The following RANBP2 variants were observed in gnomAD, a reference collection of about 807,000 sequenced individuals.
The protein encoded by RANBP2 is E3 SUMO-protein ligase RanBP2.
A neutral mutation model predicts 303.6 loss-of-function variants in RANBP2; 57 were observed. The ratio of observed to expected loss-of-function variants is 0.19; its 90% CI spans 0.15 to 0.23. The LOEUF (loss-of-function observed/expected upper bound fraction) is 0.23, where lower values mean the gene tolerates loss of function less well. Ranked by LOEUF, RANBP2 falls within the 10% of genes least tolerant of loss-of-function variation. RANBP2 has a pLI of 1.00. For missense variants in RANBP2, 3,138 were observed against 3,780.8 expected, an observed-to-expected ratio of 0.83 and a Z score of 4.46; for synonymous variants, 1,167 against 1,301.5, an observed-to-expected ratio of 0.90 and a Z score of 2.23.
the RANBP2 span, among the ~76,000 whole-genome samples, chr2:109,470,568 C>T: frequency 1.3e-5 from 2 of 152,222 alleles, no homozygotes; most frequent in Admixed American, 1.3e-4. Context: ...CAGTACTCTA[C>T]GTGCAGAGCT....
At chr2:108,997,440 C>CAAGA in the RANBP2 span, among the ~76,000 whole-genome samples, 2 of 49,954 alleles carry the variant, frequency 4.0e-5, no homozygotes, top group Middle Eastern at 0.026. Flanking sequence ...GACTCTGTCT[C>CAAGA]AAAAAAAAAA....
chr2:109,454,033 C>G, the RANBP2 span, among the ~76,000 whole-genome samples: 1 of 152,206 alleles, frequency 6.6e-6, no homozygotes, highest in Non-Finnish European at 1.5e-5. Flanking sequence ...AACTTAACTA[C>G]TTAAATATCC....
At chr2:109,486,682 CAG>C in the RANBP2 span, among the ~76,000 whole-genome samples, 1 of 152,068 alleles carries the variant, frequency 6.6e-6, no homozygotes, top group Non-Finnish European at 1.5e-5. Context: ...ACCACACCTG[CAG>C]AGTTTGCACC....
the RANBP2 span, among the ~76,000 whole-genome samples, chr2:109,248,140 T>C: frequency 0.056 from 8,576 of 152,308 alleles, 420 homozygotes; most frequent in East Asian, 0.2. Flanking sequence ...CTTTTGATTG[T>C]TGATCTTTTA....
the RANBP2 span, among the ~76,000 whole-genome samples, chr2:109,273,004 A>G: frequency 1.3e-5 from 2 of 152,218 alleles, no homozygotes; most frequent in South Asian, 4.1e-4. Context: ...GGGAAAGAAA[A>G]TGGTTACCTT....
chr2:109,312,528 C>T, the RANBP2 span, among the ~76,000 whole-genome samples: 3 of 152,134 alleles, frequency 2.0e-5, no homozygotes, highest in Non-Finnish European at 2.9e-5. Flanking sequence ...GCAGCCACCC[C>T]GCTGGGCCCC....
At chr2:109,777,375 TTAA>T in the RANBP2 span, among the ~76,000 whole-genome samples, 4 of 145,996 alleles carry the variant, frequency 2.7e-5, no homozygotes, top group Non-Finnish European at 6.0e-5. Context: ...TTTATATACT[TTAA>T]TACATTGACT....
chr2:108,792,976 A>G, the RANBP2 span, among the ~76,000 whole-genome samples: 1 of 151,606 alleles, frequency 6.6e-6, no homozygotes, highest in Non-Finnish European at 1.5e-5. Context: ...AGGCAGGAGA[A>G]TCACTTGAAC....
At chr2:108,818,204 G>T in the RANBP2 span, among the ~76,000 whole-genome samples, 1 of 152,124 alleles carries the variant, frequency 6.6e-6, no homozygotes, top group Non-Finnish European at 1.5e-5. Context: ...TCCCTGGGAG[G>T]CTGAGGTGGT....
chr2:109,631,781 C>T, the RANBP2 span, among the ~76,000 whole-genome samples: 1 of 151,360 alleles, frequency 6.6e-6, no homozygotes, highest in African/African-American at 2.4e-5. Context: ...AGAAAGAAAT[C>T]TCATTATCTC....
the RANBP2 span, among the ~76,000 whole-genome samples, chr2:109,643,344 G>A: frequency 6.6e-6 from 1 of 152,156 alleles, no homozygotes. Flanking sequence ...AGTAAAATGA[G>A]GCTGAAACCT....
the RANBP2 span, among the ~76,000 whole-genome samples, chr2:109,471,357 T>G: frequency 6.6e-6 from 1 of 152,118 alleles, no homozygotes; most frequent in Admixed American, 6.5e-5. Flanking sequence ...AAGCACCTTC[T>G]TCACAAGGCG....
the RANBP2 span, among the ~76,000 whole-genome samples, chr2:109,275,354 A>G: frequency 2.6e-4 from 39 of 152,188 alleles, 1 homozygote; most frequent in Admixed American, 3.9e-4. Flanking sequence ...GATAACGTTG[A>G]TAAGTTGCTC....
At chr2:109,299,213 C>T in the RANBP2 span, among the ~76,000 whole-genome samples, 1 of 152,242 alleles carries the variant, frequency 6.6e-6, no homozygotes, top group African/African-American at 2.4e-5. Flanking sequence ...GACCCTGCCT[C>T]CCCAAGGACT....
rs189289937 is a variant in RANBP2 at position 108,768,002 on chromosome 2, T to C, written c.7463T>C (p.Val2488Ala). Residue 2488 changes from valine (V) to alanine (A), a missense_variant, in exon 20 of 29, where the codon GTA becomes GCA. Around this residue, in one of 20 missense-constraint regions of RANBP2, gnomAD observed 497 missense variants for 465.8 expected, o/e 1.07. Transcript: ENST00000283195. ...ACAGATGTTATTCAGGGTGATGATGTAGCAGATGCAACTTCAGAAGTTGAA... is the reference window on the plus strand; with the variant it reads ...ACAGATGTTATTCAGGGTGATGATGCAGCAGATGCAACTTCAGAAGTTGAA... ...ERTDVIQGDD[V>A]ADATSEVEVS... 377 of 1,611,892 alleles carry C rather than the reference T, an allele frequency of 2.3e-4. 1 individual carries two copies. The highest frequency in any genetic ancestry group is 2.2e-4 in the Non-Finnish European group (259 of 1,179,822).
At chr2:109,346,781 G>A in the RANBP2 span, among the ~76,000 whole-genome samples, 1 of 152,292 alleles carries the variant, frequency 6.6e-6, no homozygotes, top group South Asian at 2.1e-4. Flanking sequence ...ACCGAGGATG[G>A]CAGAACAGGT....
chr2:109,614,391 C>T, the RANBP2 span: 17 of 953,562 alleles, frequency 1.8e-5, no homozygotes, highest in Non-Finnish European at 2.3e-5. Flanking sequence ...GCCCGCTGAG[C>T]CCGCCAGACT....
At chr2:109,763,178 C>G in the RANBP2 span, among the ~76,000 whole-genome samples, 1 of 150,024 alleles carries the variant, frequency 6.7e-6, no homozygotes, top group African/African-American at 2.4e-5. Flanking sequence ...TGTTAAATGA[C>G]TTTACTGAGG....
At chr2:109,339,527 G>A in the RANBP2 span, among the ~76,000 whole-genome samples, 15 of 152,164 alleles carry the variant, frequency 9.9e-5, no homozygotes, top group Non-Finnish European at 1.5e-4. Context: ...CCAAAAGGCC[G>A]GTGGAAAGGT....
Sources: gnomAD v4.1 joint callset for allele counts (sites outside exome capture counted in the v4.1 genomes callset) on GRCh38, gnomAD v4.1.1 for gene constraint, gnomAD v4.1.1 regional missense constraint, MANE v1.5 for transcripts, NCBI Gene and HGNC (gene_info 2026-07-23, HGNC 2026-07-21) for gene names.